Variants in LRMDA observed in about 807,000 individuals in gnomAD.
LRMDA encodes the protein leucine-rich melanocyte differentiation-associated protein.
Under a neutral mutation model 29.8 loss-of-function variants are expected in LRMDA, and 18 were observed. The ratio of observed to expected loss-of-function variants is 0.60; its 90% CI spans 0.42 to 0.90. The LOEUF (loss-of-function observed/expected upper bound fraction) is 0.90. Among genes scored for constraint, LRMDA ranks in the 40% least tolerant of loss-of-function variants. LRMDA has a pLI of 0.00. For synonymous variants in LRMDA, 125 were observed against 109.4 expected, an observed-to-expected ratio of 1.14 and a Z score of -0.89; for missense variants, 273 against 273.9, an observed-to-expected ratio of 1.00 and a Z score of 0.02.
intron 6 of LRMDA, among the ~76,000 whole-genome samples, chr10:76,427,108 A>G (rs992644453): frequency 9.2e-5 from 14 of 152,282 alleles, no homozygotes; most frequent in African/African-American, 2.9e-4. Context: ...GTTCCATATG[A>G]ACTTTAAAGT....
intron 2 of LRMDA, among the ~76,000 whole-genome samples, chr10:75,629,515 G>T (rs913075102): frequency 6.6e-6 from 1 of 152,120 alleles, no homozygotes; most frequent in Non-Finnish European, 1.5e-5. Flanking sequence ...TGTCTATCCC[G>T]AGTGTTATAG....
intron 5 of LRMDA, among the ~76,000 whole-genome samples, chr10:76,081,964 CCA>C (rs1849056785): frequency 6.6e-6 from 1 of 152,106 alleles, no homozygotes; most frequent in Non-Finnish European, 1.5e-5. Context: ...TGCCATAGAA[CCA>C]AGTAGCTTGG....
rs75467882 is a variant in LRMDA, at chr10:75,492,885, G to T, written c.131+54391G>T. ...TCTATTGAAGTGCCTTTGGAGTGATGATATCATAATCACTTTAATACATTT... is the reference window on the plus strand; with the variant it reads ...TCTATTGAAGTGCCTTTGGAGTGATTATATCATAATCACTTTAATACATTT... On this transcript the variant is annotated intron_variant, in intron 2 of 6. Transcript: ENST00000611255. Among the ~76,000 whole-genome samples, 436 of 152,292 alleles carry T rather than the reference G, an allele frequency of 2.9e-3. 2 individuals carry two copies. Among genetic ancestry groups the T allele is most frequent in the Middle Eastern group, 0.01 (3 of 294 alleles).
intron 2 of LRMDA, among the ~76,000 whole-genome samples, chr10:75,467,127 C>T (rs2132042319): frequency 6.6e-6 from 1 of 152,128 alleles, no homozygotes; most frequent in South Asian, 2.1e-4. Flanking sequence ...TCAAGTACGA[C>T]GACGTGGACA....
intron 2 of LRMDA, among the ~76,000 whole-genome samples, chr10:76,033,853 C>G (rs1299547192): frequency 6.6e-6 from 1 of 152,114 alleles, no homozygotes; most frequent in African/African-American, 2.4e-5. Context: ...CCGAAAGTCC[C>G]CTGCACAAGC....
rs1360577383 is a variant in LRMDA at position 75,582,325 on chromosome 10, C to G, written c.131+143831C>G. Among the ~76,000 whole-genome samples, 10 of 152,322 alleles carry G rather than the reference C, an allele frequency of 6.6e-5. No homozygotes were observed. The East Asian group carries it at 1.9e-3, about 29-fold the overall frequency. ...ACATCCAGGCTTTTGCATATATGCTCTGAAATCTAGGTGGAGTCTCCCAAG... is the reference window on the plus strand; with the variant it reads ...ACATCCAGGCTTTTGCATATATGCTGTGAAATCTAGGTGGAGTCTCCCAAG... On this transcript the variant is annotated intron_variant, in intron 2 of 6. Transcript: ENST00000611255.
At chr10:75,500,233 G>GCA (rs953082082) in intron 2 of LRMDA, among the ~76,000 whole-genome samples, 2 of 152,106 alleles carry the variant, frequency 1.3e-5, no homozygotes, top group Non-Finnish European at 2.9e-5. Context: ...TAATACACAT[G>GCA]CACACACACA....
At chr10:76,389,999 T>G (rs894649760) in intron 6 of LRMDA, among the ~76,000 whole-genome samples, 5 of 152,184 alleles carry the variant, frequency 3.3e-5, no homozygotes, top group African/African-American at 1.2e-4. Flanking sequence ...CTTCTGAGTA[T>G]ATATACAGAT....
At chr10:75,459,326 C>G (rs547624650) in intron 2 of LRMDA, among the ~76,000 whole-genome samples, 1 of 152,250 alleles carries the variant, frequency 6.6e-6, no homozygotes, top group South Asian at 2.1e-4. Flanking sequence ...GTCCCAGCTA[C>G]TTGGGAGGCT....
intron 6 of LRMDA, among the ~76,000 whole-genome samples, chr10:76,369,428 G>C (rs1031240732): frequency 9.2e-5 from 14 of 152,162 alleles, no homozygotes; most frequent in African/African-American, 3.4e-4. Flanking sequence ...TGAGGAGCCT[G>C]AAGATAGGTC....
At chr10:76,472,051 T>G (rs1842623271) in intron 6 of LRMDA, among the ~76,000 whole-genome samples, 1 of 151,676 alleles carries the variant, frequency 6.6e-6, no homozygotes, top group Admixed American at 6.6e-5. Flanking sequence ...ATAGAAGACT[T>G]GGACAACACT....
rs934449361 is a variant in LRMDA at position 76,221,338 on chromosome 10, G to C, written c.517-103063G>C. On this transcript the variant is annotated intron_variant, in intron 5 of 6. Transcript: ENST00000611255. ...GAAAAGAGGAAGTCAAATTGTCCCTGATTGCAGATGACATGATTGTACATC... is the reference window on the plus strand; with the variant it reads ...GAAAAGAGGAAGTCAAATTGTCCCTCATTGCAGATGACATGATTGTACATC... 4.4e-4 allele frequency among the ~76,000 whole-genome samples: 67 copies of C among 152,350 alleles called. 1 individual carries two copies. The highest frequency in any genetic ancestry group is 1.5e-3 in the African/African-American group (63 of 41,580).
At chr10:76,174,885 C>T (rs936887805) in intron 5 of LRMDA, among the ~76,000 whole-genome samples, 5 of 122,166 alleles carry the variant, frequency 4.1e-5, no homozygotes, top group African/African-American at 1.7e-4. Context: ...TTTGCTAGGC[C>T]GAGGCAGGGG....
chr10:76,416,727 A>G (rs1842019150), intron 6 of LRMDA, among the ~76,000 whole-genome samples: 1 of 152,200 alleles, frequency 6.6e-6, no homozygotes. Flanking sequence ...AGTCGTAATA[A>G]TATCACTGCC....
chr10:76,466,073 G>C (rs544133709), intron 6 of LRMDA, among the ~76,000 whole-genome samples: 1 of 152,270 alleles, frequency 6.6e-6, no homozygotes, highest in African/African-American at 2.4e-5. Context: ...GTAACAAACA[G>C]ATATAGGAGG....
chr10:75,702,189 G>A (rs948377677), intron 2 of LRMDA, among the ~76,000 whole-genome samples: 1 of 152,200 alleles, frequency 6.6e-6, no homozygotes, highest in African/African-American at 2.4e-5. Flanking sequence ...CATCTTGAAT[G>A]TCTACTCTCG....
Position 75,972,548 on chromosome 10 carries a change from CT to C in LRMDA, c.132-63451del, listed in dbSNP as rs967393989. ...TATAGCAGCTGTCTGAGAATTTTCT[CT>C]TTTTTTTTACTGTTATCTTTTCTCT... On this transcript the variant is annotated intron_variant, in intron 2 of 6. Coordinates refer to ENST00000611255, the MANE Select transcript of LRMDA (RefSeq NM_001305581.2). Among the ~76,000 whole-genome samples, 10 of 151,450 alleles carry C rather than the reference CT, an allele frequency of 6.6e-5. No individual in the cohort carries two copies. The South Asian group carries it at 1.0e-3, about 16-fold the overall frequency.
At chr10:75,544,683 C>G (rs199811493) in intron 2 of LRMDA, among the ~76,000 whole-genome samples, 1 of 151,898 alleles carries the variant, frequency 6.6e-6, no homozygotes, top group East Asian at 1.9e-4. Context: ...GTTTAAAAAA[C>G]TTTCTTGTTT....
chr10:75,773,880 C>T lies in LRMDA; in HGVS notation c.132-262128C>T, dbSNP rs79304281. ...CAGAGCTTTTATTTGGGCATTTAAT[C>T]AAAGGTAGTTGTGTTTCATTATATT... On this transcript the variant is annotated intron_variant, in intron 2 of 6. Coordinates refer to ENST00000611255, the MANE Select transcript of LRMDA (RefSeq NM_001305581.2). 5.3e-5 allele frequency among the ~76,000 whole-genome samples: 8 copies of T among 152,320 alleles called. No individual in the cohort carries two copies. The East Asian group carries it at 1.5e-3, about 29-fold the overall frequency.
Sources: gnomAD v4.1 joint callset for allele counts (sites outside exome capture counted in the v4.1 genomes callset) on GRCh38, gnomAD v4.1.1 for gene constraint, MANE v1.5 for transcripts, NCBI Gene and HGNC (gene_info 2026-07-23, HGNC 2026-07-21) for gene names.